Variants in MYO10 observed in about 807,000 individuals in gnomAD.
MYO10 encodes the protein myosin X, also known as unconventional myosin-X.
A neutral mutation model predicts 257.3 loss-of-function variants in MYO10; 133 were observed. The ratio of observed to expected loss-of-function variants is 0.52; its 90% CI spans 0.45 to 0.60. MYO10 has a LOEUF of 0.60. Ranked by LOEUF, MYO10 falls within the 20% of genes least tolerant of loss-of-function variation. The pLI is 0.00. For missense variants in MYO10, 2,399 were observed against 2,635.7 expected (o/e 0.91, Z 1.97); for synonymous variants, 1,104 against 1,028.6 (o/e 1.07, Z -1.40).
chr5:16,746,828 ACT>A (rs899182286), intron 19 of MYO10, among the ~76,000 whole-genome samples: 1 of 152,050 alleles, frequency 6.6e-6, no homozygotes, highest in African/African-American at 2.4e-5. Context: ...TGCATTTTAC[ACT>A]CTTGGAATTT....
chr5:16,774,982 C>T (rs1232799707), intron 9 of MYO10, among the ~76,000 whole-genome samples: 2 of 143,714 alleles, frequency 1.4e-5, no homozygotes, highest in African/African-American at 5.1e-5. Context: ...AACCCCAGCC[C>T]TGCTCAGTGC....
chr5:16,898,392 C>A (rs1439696130), intron 1 of MYO10, among the ~76,000 whole-genome samples: 1 of 150,614 alleles, frequency 6.6e-6, no homozygotes, highest in Non-Finnish European at 1.5e-5. Context: ...TTTTTCCATA[C>A]CCATTCTCAA....
intron 2 of MYO10, among the ~76,000 whole-genome samples, chr5:16,860,303 A>G (rs979453785): frequency 6.6e-6 from 1 of 152,168 alleles, no homozygotes; most frequent in Non-Finnish European, 1.5e-5. Context: ...GTAAATAGCA[A>G]ATAAGTGGAA....
At chr5:16,711,561 A>C (rs985451824) in intron 19 of MYO10, among the ~76,000 whole-genome samples, 7 of 152,308 alleles carry the variant, frequency 4.6e-5, no homozygotes, top group Middle Eastern at 3.4e-3. Context: ...AGGCGGGTGG[A>C]TCACAAGGTC....
At position 16,700,625 on chromosome 5, in the gene MYO10, C is replaced by T. The variant is rs564204165; in HGVS notation, c.3432+338G>A. ...CCGAGAGGTGGGGACTGCAGTGAGGCAAAATCCTGCCAATGCACTCCAGCC... is the reference window on the plus strand; with the variant it reads ...CCGAGAGGTGGGGACTGCAGTGAGGTAAAATCCTGCCAATGCACTCCAGCC... On this transcript the variant is annotated intron_variant, in intron 25 of 40. Coordinates refer to ENST00000513610, the MANE Select transcript of MYO10 (RefSeq NM_012334.3). Among the ~76,000 whole-genome samples, 638 of 152,126 alleles carry T rather than the reference C, an allele frequency of 4.2e-3. 7 individuals are homozygous for T. The highest frequency in any genetic ancestry group is 0.015 in the African/African-American group (607 of 41,492).
At chr5:16,875,174 A>G (rs1346914509) in intron 2 of MYO10, among the ~76,000 whole-genome samples, 1 of 152,144 alleles carries the variant, frequency 6.6e-6, no homozygotes, top group Admixed American at 6.5e-5. Context: ...AACCATATCA[A>G]GTGCCATGAA....
intron 19 of MYO10, among the ~76,000 whole-genome samples, chr5:16,716,152 G>A (rs1409277023): frequency 6.6e-6 from 1 of 151,980 alleles, no homozygotes; most frequent in African/African-American, 2.4e-5. Context: ...CTGGAGACAG[G>A]ACGAAATCTA....
chr5:16,923,288 CTCT>C (rs1479633860), intron 1 of MYO10, among the ~76,000 whole-genome samples: 6 of 151,900 alleles, frequency 3.9e-5, no homozygotes, highest in South Asian at 2.1e-4. Context: ...TGGCACTAAA[CTCT>C]TCTTTTTTTT....
intron 19 of MYO10, among the ~76,000 whole-genome samples, chr5:16,747,693 T>C (rs957516426): frequency 2.7e-5 from 4 of 150,614 alleles, no homozygotes. Context: ...CCGAGGCGGG[T>C]GGATCACGAG....
chr5:16,775,123 T>C (rs1269998168), intron 9 of MYO10, among the ~76,000 whole-genome samples: 2 of 152,172 alleles, frequency 1.3e-5, no homozygotes, highest in Non-Finnish European at 2.9e-5. Flanking sequence ...AGCAATAAAA[T>C]AAACCAGTTG....
At chr5:16,869,142 A>C (rs1196467816) in intron 2 of MYO10, among the ~76,000 whole-genome samples, 1 of 150,848 alleles carries the variant, frequency 6.6e-6, no homozygotes, top group Admixed American at 6.6e-5. Context: ...CTCCTGCCTC[A>C]GCCTCCTGAG....
At chr5:16,800,478 T>C (rs1742089282) in intron 3 of MYO10, among the ~76,000 whole-genome samples, 1 of 152,188 alleles carries the variant, frequency 6.6e-6, no homozygotes, top group African/African-American at 2.4e-5. Flanking sequence ...ATTGTTCCCG[T>C]TTTGATGAGA....
rs368697553 is a variant in MYO10, at chr5:16,680,030, G to A, written c.4459C>T (p.Arg1487Trp). The A allele has an allele frequency of 9.3e-6, 15 of 1,613,874 alleles. No individual in the cohort carries two copies. The highest frequency in any genetic ancestry group is 2.2e-5 in the East Asian group (1 of 44,870). ...LYTKLLNEAT[R>W]WSSAIQNVTD... ...ACGTTTTGAATGGCACTGGACCACC[G>A]GGTGGCCTCGTTGAGCAGCTTGGTG... The change falls in exon 33 of 41, where the codon CGG (arginine) becomes TGG (tryptophan). Residue 1487 changes from arginine to tryptophan, a missense_variant. Coordinates refer to ENST00000513610, the MANE Select transcript of MYO10 (RefSeq NM_012334.3).
At chr5:16,802,612 A>C (rs1742152783) in intron 3 of MYO10, among the ~76,000 whole-genome samples, 1 of 149,424 alleles carries the variant, frequency 6.7e-6, no homozygotes, top group African/African-American at 2.5e-5. Flanking sequence ...AGCTGAGATC[A>C]CGCCACTGCA....
At chr5:16,687,983 A>AT (rs1424871089) in intron 28 of MYO10, among the ~76,000 whole-genome samples, 2 of 152,218 alleles carry the variant, frequency 1.3e-5, no homozygotes, top group Non-Finnish European at 2.9e-5. Flanking sequence ...CTGAAAAGGA[A>AT]TTTTTTTAAA....
chr5:16,917,689 C>T (rs528597790), intron 1 of MYO10, among the ~76,000 whole-genome samples: 2 of 147,644 alleles, frequency 1.4e-5, no homozygotes, highest in South Asian at 4.3e-4. Flanking sequence ...GGAGACCCAT[C>T]TCTACAAAAA....
chr5:16,717,966 G>A (rs1006919203), intron 19 of MYO10, among the ~76,000 whole-genome samples: 3 of 152,332 alleles, frequency 2.0e-5, no homozygotes, highest in South Asian at 2.1e-4. Context: ...AGGCACGAGC[G>A]GGAACCGGGG....
chr5:16,879,477 G>T (rs1744699539), intron 1 of MYO10, among the ~76,000 whole-genome samples: 1 of 152,126 alleles, frequency 6.6e-6, no homozygotes, highest in Non-Finnish European at 1.5e-5. Flanking sequence ...ATATATCAGG[G>T]TCATGTGCTA....
At chr5:16,875,282 T>C (rs1744570088) in intron 2 of MYO10, among the ~76,000 whole-genome samples, 1 of 152,204 alleles carries the variant, frequency 6.6e-6, no homozygotes, top group South Asian at 2.1e-4. Context: ...GAGAAGTATG[T>C]ACAGGTCCTG....
Sources: allele counts gnomAD v4.1 joint callset (sites outside exome capture counted in the v4.1 genomes callset), GRCh38; gene constraint gnomAD v4.1.1; transcripts MANE v1.5; gene names NCBI Gene and HGNC (gene_info 2026-07-23, HGNC 2026-07-21).